Variants in NTM observed in about 807,000 individuals in gnomAD.
NTM encodes the protein IgLON family member 2.
NTM carries 13 observed loss-of-function variants against 42.1 expected under a neutral mutation model. The observed-to-expected ratio is 0.31, with a 90% CI of 0.20 to 0.49. The LOEUF is 0.49. Among genes scored for constraint, NTM ranks in the 20% least tolerant of loss-of-function variants. The pLI is 0.99. For synonymous variants in NTM, 187 were observed against 179.2 expected, an observed-to-expected ratio of 1.04 and a Z score of -0.35; for missense variants, 373 against 452.8, an observed-to-expected ratio of 0.82 and a Z score of 1.60.
chr11:131,475,663 T>G (rs148150021), intron 1 of NTM, among the ~76,000 whole-genome samples: 6 of 152,092 alleles, frequency 3.9e-5, no homozygotes, highest in Non-Finnish European at 5.9e-5. Flanking sequence ...TCCTGAATAA[T>G]GTAGAATTAT....
intron 1 of NTM, among the ~76,000 whole-genome samples, chr11:131,741,051 G>A (rs1438042531): frequency 6.6e-6 from 1 of 152,130 alleles, no homozygotes; most frequent in Non-Finnish European, 1.5e-5. Context: ...TGTAATCCCA[G>A]CTACTTGGGA....
chr11:132,051,083 G>T (rs575137674), intron 2 of NTM, among the ~76,000 whole-genome samples: 31 of 152,334 alleles, frequency 2.0e-4, no homozygotes, highest in African/African-American at 7.0e-4. Flanking sequence ...TGTGGAGTCA[G>T]ATACATGTCA....
intron 2 of NTM, among the ~76,000 whole-genome samples, chr11:131,989,739 A>G (rs923743645): frequency 6.6e-6 from 1 of 151,616 alleles, no homozygotes; most frequent in African/African-American, 2.4e-5. Context: ...ACACACACAC[A>G]CACATGAACA....
chr11:131,636,300 A>G (rs1018048097), intron 1 of NTM, among the ~76,000 whole-genome samples: 1 of 152,148 alleles, frequency 6.6e-6, no homozygotes, highest in Non-Finnish European at 1.5e-5. Flanking sequence ...AACTGAAGTA[A>G]CAGCTTTATA....
intron 2 of NTM, among the ~76,000 whole-genome samples, chr11:132,023,013 G>C (rs1029715946): frequency 3.5e-5 from 5 of 143,828 alleles, no homozygotes; most frequent in African/African-American, 1.1e-4. Flanking sequence ...AGTTCCTCAG[G>C]CTGGCTCCAT....
intron 1 of NTM, among the ~76,000 whole-genome samples, chr11:131,708,544 A>C (rs1385052322): frequency 6.6e-6 from 1 of 152,184 alleles, no homozygotes; most frequent in East Asian, 1.9e-4. Flanking sequence ...GTGATTAAAA[A>C]ATAACTGAGA....
chr11:131,871,211 T>C (rs1367491233), intron 1 of NTM, among the ~76,000 whole-genome samples: 2 of 152,234 alleles, frequency 1.3e-5, no homozygotes, highest in Non-Finnish European at 1.5e-5. Flanking sequence ...CCTCTGAGTC[T>C]TGGCAGCTCA....
intron 2 of NTM, among the ~76,000 whole-genome samples, chr11:132,023,727 TTGTTGGTTTTGTTGTTGG>T (rs1565968948): frequency 1.5e-4 from 23 of 151,222 alleles, no homozygotes; most frequent in African/African-American, 5.1e-4. Context: ...TTTGTTGTTG[TTGTTGGTTTTGTTGTTGG>T]TGGTGGTTTT....
intron 7 of NTM, among the ~76,000 whole-genome samples, chr11:132,322,394 A>G (rs1466125506): frequency 3.4e-5 from 5 of 147,518 alleles, no homozygotes; most frequent in Non-Finnish European, 6.0e-5. Context: ...CTCTGATAAA[A>G]CAGACTTTAA....
intron 1 of NTM, among the ~76,000 whole-genome samples, chr11:131,799,148 T>G (rs920342147): frequency 1.3e-5 from 2 of 152,226 alleles, no homozygotes; most frequent in African/African-American, 4.8e-5. Context: ...TCTCACTTTT[T>G]ATAATCAAGA....
chr11:131,469,495 T>C (rs1952218717), intron 1 of NTM, among the ~76,000 whole-genome samples: 1 of 152,220 alleles, frequency 6.6e-6, no homozygotes. Context: ...TACATTATAC[T>C]GCCATCACAG....
chr11:131,457,721 T>TCCC (rs112078919), intron 1 of NTM, among the ~76,000 whole-genome samples: 1,833 of 151,214 alleles, frequency 0.012, 29 homozygotes, highest in African/African-American at 0.04. Flanking sequence ...GTTTTTGTCC[T>TCCC]CCCCCCCCAA....
chr11:131,895,962 A>G (rs1041899046), intron 1 of NTM, among the ~76,000 whole-genome samples: 1 of 152,200 alleles, frequency 6.6e-6, no homozygotes, highest in Non-Finnish European at 1.5e-5. Context: ...CTAGGATGTT[A>G]CATGAGTGCA....
At position 131,417,596 on chromosome 11, in the gene NTM, T is replaced by A. The variant is rs116495931; in HGVS notation, c.82+46708T>A. ...TATTAAGGAAAATTAGGGCTACTGT[T>A]GCTGGATGAAATTATTGATTTAGAC... is the stretch of plus-strand genomic sequence containing the variant. On this transcript the variant is annotated intron_variant, in intron 1 of 8. Transcript: ENST00000683400. 7.3e-3 allele frequency among the ~76,000 whole-genome samples: 1,118 copies of A among 152,322 alleles called. 16 individuals are homozygous for A. Among genetic ancestry groups the A allele is most frequent in the African/African-American group, 0.025 (1,052 of 41,580 alleles).
chr11:132,081,935 C>CATATATATAT (rs1315150779), intron 2 of NTM, among the ~76,000 whole-genome samples: 1 of 130,710 alleles, frequency 7.7e-6, no homozygotes, highest in Non-Finnish European at 1.6e-5. Context: ...CACACATATT[C>CATATATATAT]ATATATATAT....
chr11:132,233,495 G>A (rs11222981), intron 4 of NTM, among the ~76,000 whole-genome samples: 19,709 of 152,166 alleles, frequency 0.13, 2,300 homozygotes, highest in African/African-American at 0.31. Context: ...ATAGCTTGTG[G>A]GCTCACAATG....
rs780546807 is a variant in NTM, at chr11:132,002,627, G to GT, written c.167+90985dup. 1.3e-5 allele frequency among the ~76,000 whole-genome samples: 2 copies of GT among 152,108 alleles called. No homozygotes were observed. The highest frequency in any genetic ancestry group is 6.6e-5 in the Admixed American group (1 of 15,266). On this transcript the variant is annotated intron_variant, in intron 2 of 8. Transcript: ENST00000683400. The surrounding 1 kb of genome is among the most constrained non-coding windows in gnomAD (Gnocchi z 4.5). Reference sequence around the variant, plus strand: ...TCTAGTATCCCCAAACTTATGTTTTGTTTTTTCTTTTTCTCTTAGTATCCA... The same window carrying GT: ...TCTAGTATCCCCAAACTTATGTTTTGTTTTTTTCTTTTTCTCTTAGTATCCA...
intron 1 of NTM, among the ~76,000 whole-genome samples, chr11:131,527,878 T>C (rs1163606608): frequency 2.0e-4 from 30 of 152,178 alleles, no homozygotes; most frequent in Admixed American, 2.0e-3. Flanking sequence ...CAAATAACTA[T>C]TGAGGATGTT....
intron 1 of NTM, chr11:131,534,392 C>A (rs2051804527): frequency 1.3e-5 from 2 of 152,338 alleles, no homozygotes; most frequent in African/African-American, 4.8e-5. Context: ...TGCACACACA[C>A]ACACGCACCC....
Sources: allele counts gnomAD v4.1 joint callset (sites outside exome capture counted in the v4.1 genomes callset), GRCh38; gene constraint gnomAD v4.1.1; non-coding constraint Gnocchi (gnomAD v3.1); transcripts MANE v1.5; gene names NCBI Gene and HGNC (gene_info 2026-07-23, HGNC 2026-07-21).